Variants in BEND7 observed in about 807,000 individuals in gnomAD.
BEND7 encodes BEN domain containing 7, also known as BEN domain-containing protein 7.
In BEND7, 28 loss-of-function variants were observed where a neutral mutation model predicts 50.9. The observed-to-expected ratio is 0.55, with a 90% CI of 0.41 to 0.75. BEND7 has a LOEUF of 0.75. Ranked by LOEUF, BEND7 falls within the 30% of genes least tolerant of loss-of-function variation. The probability of loss-of-function intolerance (pLI) is 0.00; values close to 1 mark genes in which losing one functional copy is unlikely to be tolerated. For missense variants in BEND7, 477 were observed against 491.3 expected (o/e 0.97, Z 0.28); for synonymous variants, 170 against 183.9 (o/e 0.92, Z 0.61).
At chr10:13,462,721 G>T (rs558394746) in intron 6 of BEND7, among the ~76,000 whole-genome samples, 1 of 152,258 alleles carries the variant, frequency 6.6e-6, no homozygotes, top group African/African-American at 2.4e-5. Flanking sequence ...CAGAGGGAGA[G>T]AATTCAAAGA....
chr10:13,465,878 C>T (rs572896455), intron 6 of BEND7, among the ~76,000 whole-genome samples: 1 of 74,654 alleles, frequency 1.3e-5, no homozygotes, highest in Non-Finnish European at 2.4e-5. Flanking sequence ...CTATCTCTCT[C>T]TCTCTCGTGT....
intron 5 of BEND7, among the ~76,000 whole-genome samples, chr10:13,489,435 G>A (rs1221109096): frequency 6.6e-6 from 1 of 152,140 alleles, no homozygotes; most frequent in Non-Finnish European, 1.5e-5. Context: ...AGTGGACAAG[G>A]GCAGATGACA....
intron 8 of BEND7, chr10:13,445,743 C>T (rs1183782786): frequency 6.6e-6 from 1 of 152,188 alleles, no homozygotes; most frequent in African/African-American, 2.4e-5. Flanking sequence ...CAAAGGCATT[C>T]CGTACTCACC....
intron 6 of BEND7, among the ~76,000 whole-genome samples, chr10:13,471,430 A>G (rs10508461): frequency 0.57 from 86,847 of 152,152 alleles, 25,161 homozygotes; most frequent in East Asian, 0.75. Context: ...AGTGTTTCAA[A>G]TATGCAATCA....
intron 8 of BEND7, chr10:13,443,345 G>C (rs1390181687): frequency 6.5e-6 from 1 of 152,682 alleles, no homozygotes; most frequent in African/African-American, 2.4e-5. Context: ...TCAAAGTCTA[G>C]GCAATGAAAC....
At chr10:13,518,781 C>A (rs973362164) in intron 2 of BEND7, among the ~76,000 whole-genome samples, 2 of 152,172 alleles carry the variant, frequency 1.3e-5, no homozygotes, top group African/African-American at 2.4e-5. Context: ...CACTAAATGT[C>A]TCTAAAATCT....
At chr10:13,485,253 G>C (rs1180500768) in intron 5 of BEND7, among the ~76,000 whole-genome samples, 1 of 152,132 alleles carries the variant, frequency 6.6e-6, no homozygotes, top group African/African-American at 2.4e-5. Flanking sequence ...TAAGGTATTA[G>C]TAAGGTATTA....
At chr10:13,442,775 C>T (rs1325224804) in intron 8 of BEND7, 1 of 152,026 alleles carries the variant, frequency 6.6e-6, no homozygotes, top group Non-Finnish European at 1.5e-5. Context: ...TTTTTCTTTC[C>T]TAAGAACTCA....
intron 2 of BEND7, among the ~76,000 whole-genome samples, chr10:13,523,572 G>C (rs1333375118): frequency 1.3e-5 from 2 of 152,126 alleles, no homozygotes; most frequent in Admixed American, 1.3e-4. Flanking sequence ...TTTGTTATAG[G>C]GGAAAGAGTT....
At chr10:13,470,154 TTAAA>T (rs1393482588) in intron 6 of BEND7, among the ~76,000 whole-genome samples, 1 of 152,016 alleles carries the variant, frequency 6.6e-6, no homozygotes, top group African/African-American at 2.4e-5. Context: ...ATTCAGGGAG[TTAAA>T]TAAAGAAGAG....
chr10:13,442,781 A>C (rs928568076), intron 8 of BEND7: 7 of 152,170 alleles, frequency 4.6e-5, no homozygotes, highest in African/African-American at 2.4e-5. Context: ...TTTCCTAAGA[A>C]CTCATAGGTC....
Position 13,522,837 on chromosome 10 carries a change from C to T in BEND7, c.145+3301G>A, listed in dbSNP as rs143266797. ...CCTGTGGCACTTCCTACTTGAGAGA[C>T]CTTGGGCAGGTCACCTCGACATCTC... On this transcript the variant is annotated intron_variant, in intron 2 of 8. Transcript: ENST00000466271. 2.4e-3 allele frequency among the ~76,000 whole-genome samples: 358 copies of T among 152,286 alleles called. 1 individual carries two copies. Among genetic ancestry groups the T allele is most frequent in the African/African-American group, 8.4e-3 (351 of 41,568 alleles).
chr10:13,496,914 T>C (rs1370096654), intron 3 of BEND7, 26 bp from the exon 4 acceptor site: 1 of 1,329,310 alleles, frequency 7.5e-7, no homozygotes, highest in South Asian at 1.6e-5. Flanking sequence ...AAGAATGACA[T>C]ACTCCAAACA....
intron 5 of BEND7, among the ~76,000 whole-genome samples, chr10:13,481,766 GAAA>G (rs2075877924): frequency 1.3e-5 from 2 of 152,192 alleles, no homozygotes; most frequent in African/African-American, 4.8e-5. Flanking sequence ...ATTTTGGAAG[GAAA>G]ATGTGAAACT....
chr10:13,471,849 T>C (rs953156081), intron 6 of BEND7, among the ~76,000 whole-genome samples: 7 of 152,218 alleles, frequency 4.6e-5, no homozygotes, highest in African/African-American at 1.7e-4. Flanking sequence ...ATACCCACCA[T>C]CCCCATCATC....
intron 6 of BEND7, among the ~76,000 whole-genome samples, chr10:13,457,335 C>T (rs1037515142): frequency 9.2e-5 from 14 of 152,190 alleles, no homozygotes; most frequent in African/African-American, 3.4e-4. Context: ...TCTAGTCCAA[C>T]CTTGAGCTCA....
chr10:13,439,736 C>T (rs549988177), downstream of BEND7, among the ~76,000 whole-genome samples: 5 of 152,304 alleles, frequency 3.3e-5, no homozygotes, highest in African/African-American at 1.2e-4. Context: ...CTTGGGATCC[C>T]TTGTCTTCAG....
In BEND7 at chr10:13,468,143, C is replaced by T. The variant is rs186556629; in HGVS notation, c.1063+12756G>A. 1.6e-4 allele frequency among the ~76,000 whole-genome samples: 25 copies of T among 152,282 alleles called. 1 individual carries two copies. Among genetic ancestry groups the T allele is most frequent in the African/African-American group, 5.3e-4 (22 of 41,558 alleles). ...TGTGCGCAGTAAATGACATGCTCATCCTCCATAGAAGTCATCAATAGCAAG... is the reference window on the plus strand; with the variant it reads ...TGTGCGCAGTAAATGACATGCTCATTCTCCATAGAAGTCATCAATAGCAAG... On this transcript the variant is annotated intron_variant, in intron 6 of 8. Coordinates refer to ENST00000466271, the MANE Select transcript of BEND7 (RefSeq NM_001369863.1).
chr10:13,456,434 G>A (rs1235781278), intron 6 of BEND7, among the ~76,000 whole-genome samples: 1 of 152,204 alleles, frequency 6.6e-6, no homozygotes, highest in Non-Finnish European at 1.5e-5. Flanking sequence ...AAGTGATCCG[G>A]ATGACAGTGG....
Sources: gnomAD v4.1 joint callset for allele counts (sites outside exome capture counted in the v4.1 genomes callset) on GRCh38, gnomAD v4.1.1 for gene constraint, MANE v1.5 for transcripts, NCBI Gene and HGNC (gene_info 2026-07-23, HGNC 2026-07-21) for gene names.